CLSTN2: variants seen among roughly 807,000 people sequenced by gnomAD.
CLSTN2 encodes calsyntenin 2, also known as calsyntenin-2.
Under a neutral mutation model 101.2 loss-of-function variants are expected in CLSTN2, and 48 were observed. The observed-to-expected ratio is 0.47, with a 90% CI of 0.38 to 0.60. The LOEUF is 0.60. Among genes scored for constraint, CLSTN2 ranks in the 20% least tolerant of loss-of-function variants. CLSTN2 has a pLI of 0.00. For missense variants in CLSTN2, 1,160 were observed against 1,238.2 expected (o/e 0.94, Z 0.95); for synonymous variants, 481 against 463.6 (o/e 1.04, Z -0.48).
intron 1 of CLSTN2, among the ~76,000 whole-genome samples, chr3:139,989,267 C>A (rs1189782148): frequency 6.6e-6 from 1 of 152,198 alleles, no homozygotes; most frequent in East Asian, 1.9e-4. Context: ...TAGGACCCCA[C>A]CTTATTACTG....
intron 8 of CLSTN2, among the ~76,000 whole-genome samples, chr3:140,527,461 A>G (rs553106702): frequency 6.6e-6 from 1 of 152,168 alleles, no homozygotes; most frequent in Non-Finnish European, 1.5e-5. Flanking sequence ...AGAAAGGAAT[A>G]TACTGTTAGT....
intron 1 of CLSTN2, among the ~76,000 whole-genome samples, chr3:140,153,339 A>G (rs1050301648): frequency 3.3e-5 from 5 of 152,374 alleles, no homozygotes; most frequent in Middle Eastern, 3.4e-3. Context: ...ATGCTCTCCT[A>G]TTGAGTGTGT....
At chr3:140,240,164 CTCTCTCTCTCTATATA>C (rs1470197384) in intron 2 of CLSTN2, among the ~76,000 whole-genome samples, 1 of 18,008 alleles carries the variant, frequency 5.6e-5, no homozygotes, top group East Asian at 0.01. Context: ...CTCTCTCTCT[CTCTCTCTCTCTATATA>C]TATATATATA....
chr3:140,020,367 T>C (rs1020796792), intron 1 of CLSTN2, among the ~76,000 whole-genome samples: 5 of 152,172 alleles, frequency 3.3e-5, no homozygotes, highest in Non-Finnish European at 7.4e-5. Flanking sequence ...TGTGTGTGCA[T>C]GTGTGTGTAC....
At chr3:140,287,456 G>A (rs894895629) in intron 2 of CLSTN2, among the ~76,000 whole-genome samples, 2 of 152,140 alleles carry the variant, frequency 1.3e-5, no homozygotes, top group African/African-American at 4.8e-5. Context: ...GATTGTGGTG[G>A]TGATTTCACT....
At chr3:140,451,356 C>T (rs901769282) in intron 6 of CLSTN2, among the ~76,000 whole-genome samples, 1 of 152,198 alleles carries the variant, frequency 6.6e-6, no homozygotes, top group East Asian at 1.9e-4. Context: ...GTACTGCCAA[C>T]CTTGCCTTGC....
intron 2 of CLSTN2, among the ~76,000 whole-genome samples, chr3:140,269,022 T>C (rs1039712606): frequency 2.0e-5 from 3 of 152,166 alleles, no homozygotes; most frequent in African/African-American, 7.2e-5. Context: ...CTTGAATAAA[T>C]CTCCTAGTGA....
intron 2 of CLSTN2, among the ~76,000 whole-genome samples, chr3:140,381,453 T>C (rs2087982971): frequency 6.6e-6 from 1 of 152,224 alleles, no homozygotes; most frequent in South Asian, 2.1e-4. Flanking sequence ...CCATACAGTG[T>C]CTTTGAACCT....
In CLSTN2 at chr3:140,564,087, A is replaced by G; in HGVS notation, c.2609A>G (p.Lys870Arg). 1.2e-6 allele frequency: 2 copies of G among 1,614,158 alleles called. No individual in the cohort carries two copies. The highest frequency in any genetic ancestry group is 1.3e-5 in the African/African-American group (1 of 75,062). ...QHFIQETEAA[K>R]ESEMDWDDSA... Reference sequence around the variant, plus strand: ...TTCATCCAGGAGACTGAGGCTGCCAAGGAATCTGAGATGGACTGGGACGAT... The same window carrying G: ...TTCATCCAGGAGACTGAGGCTGCCAGGGAATCTGAGATGGACTGGGACGAT... Residue 870 changes from lysine (K) to arginine (R), a missense_variant, in exon 16 of 17, where the codon AAG (lysine) becomes AGG (arginine). Physicochemically the swap from Lys to Arg is conservative, Grantham distance 26 (BLOSUM62 2). Transcript: ENST00000458420.
intron 1 of CLSTN2, among the ~76,000 whole-genome samples, chr3:140,069,676 C>A (rs747935220): frequency 1.3e-5 from 2 of 152,162 alleles, no homozygotes; most frequent in Non-Finnish European, 2.9e-5. Context: ...TTCACATCTT[C>A]CCTTATAGCG....
chr3:140,250,099 T>G (rs1490953117), intron 2 of CLSTN2, among the ~76,000 whole-genome samples: 1 of 152,180 alleles, frequency 6.6e-6, no homozygotes, highest in Non-Finnish European at 1.5e-5. Context: ...GAATAACTTG[T>G]TTTTTGGAGG....
At chr3:140,284,941 G>A (rs1245315237) in intron 2 of CLSTN2, among the ~76,000 whole-genome samples, 3 of 152,038 alleles carry the variant, frequency 2.0e-5, no homozygotes, top group African/African-American at 7.2e-5. Context: ...CCTACTCCAA[G>A]AAAACCTACC....
chr3:140,311,664 T>C (rs1576510477), intron 2 of CLSTN2, among the ~76,000 whole-genome samples: 2 of 152,136 alleles, frequency 1.3e-5, no homozygotes, highest in Middle Eastern at 3.4e-3. Context: ...ATGCAATAAC[T>C]CATGTAATCA....
chr3:140,248,162 T>C (rs2086532232), intron 2 of CLSTN2, among the ~76,000 whole-genome samples: 1 of 152,196 alleles, frequency 6.6e-6, no homozygotes, highest in African/African-American at 2.4e-5. Context: ...ATGTGAAATA[T>C]TTTGCTGTGT....
At chr3:140,438,554 T>C (rs540436741) in intron 5 of CLSTN2, among the ~76,000 whole-genome samples, 5 of 150,096 alleles carry the variant, frequency 3.3e-5, no homozygotes, top group Non-Finnish European at 7.4e-5. Flanking sequence ...TTGAAAAATA[T>C]GTGCATGAAA....
Position 140,064,798 on chromosome 3 carries a change from G to A in CLSTN2, c.110-111153G>A, listed in dbSNP as rs527270091. Among the ~76,000 whole-genome samples the A allele has an allele frequency of 2.6e-5, 4 of 152,288 alleles. No individual in the cohort carries two copies. The East Asian group carries it at 7.7e-4, about 29-fold the overall frequency. ...AGCTTATTCTTTAAAGAAACCAGTA[G>A]ACATTCTTTTCTTAGATATAATTGA... On this transcript the variant is annotated intron_variant, in intron 1 of 16. Coordinates refer to ENST00000458420, the MANE Select transcript of CLSTN2 (RefSeq NM_022131.3).
intron 1 of CLSTN2, among the ~76,000 whole-genome samples, chr3:140,131,655 T>C (rs1416043981): frequency 6.6e-6 from 1 of 151,820 alleles, no homozygotes; most frequent in Non-Finnish European, 1.5e-5. Flanking sequence ...TACTTGAAAA[T>C]GGTAGTTGTG....
At chr3:140,191,184 A>AT (rs1002815110) in intron 2 of CLSTN2, among the ~76,000 whole-genome samples, 2 of 151,706 alleles carry the variant, frequency 1.3e-5, no homozygotes, top group African/African-American at 2.4e-5. Context: ...TGAATATGTA[A>AT]TTTTTTTTAG....
chr3:140,094,995 G>A (rs1266600757), intron 1 of CLSTN2, among the ~76,000 whole-genome samples: 1 of 152,186 alleles, frequency 6.6e-6, no homozygotes, highest in African/African-American at 2.4e-5. Flanking sequence ...CTTAAATTAA[G>A]ACCAAGACTG....
Sources: allele counts gnomAD v4.1 joint callset (sites outside exome capture counted in the v4.1 genomes callset), GRCh38; gene constraint gnomAD v4.1.1; transcripts MANE v1.5; gene names NCBI Gene and HGNC (gene_info 2026-07-23, HGNC 2026-07-21).